DNHD1: variants seen among roughly 807,000 people sequenced by gnomAD.
DNHD1 encodes the protein dynein heavy chain domain 1.
In DNHD1, 383 loss-of-function variants were observed where a neutral mutation model predicts 458.1. The ratio of observed to expected loss-of-function variants is 0.84; its 90% CI spans 0.77 to 0.91. DNHD1 has a LOEUF of 0.91. Ranked by LOEUF, DNHD1 falls within the 40% of genes least tolerant of loss-of-function variation. The pLI is 0.00. For synonymous variants in DNHD1, 2,203 were observed against 2,376.9 expected (o/e 0.93, Z 2.13); for missense variants, 5,336 against 5,866.1 (o/e 0.91, Z 2.95).
chr11:6,569,271 C>T (rs766610106), intron 39 of DNHD1, among the ~76,000 whole-genome samples: 6 of 151,942 alleles, frequency 3.9e-5, no homozygotes, highest in Admixed American at 3.9e-4. Flanking sequence ...ATCACGAGGT[C>T]AGGAGATCGT....
rs1174685235 is a variant in DNHD1 at position 6,533,702 on chromosome 11, T to A, written c.2527T>A (p.Tyr843Asn). 1.3e-6 allele frequency: 2 copies of A among 1,550,396 alleles called. No homozygotes were observed. Among genetic ancestry groups the A allele is most frequent in the Non-Finnish European group, 1.7e-6 (2 of 1,146,270 alleles). ...GCAGTTGAATGAAGCCAATGAACAG[T>A]ACGTCGAGCTGGAGGAGCGAATGGA... is the stretch of plus-strand genomic sequence containing the variant. ...TQKLNEANEQ[Y>N]VELEERMEYV... is the part of the protein sequence containing the mutation. Residue 843 changes from tyrosine (Y) to asparagine (N), a missense_variant, in exon 14 of 43, where the codon TAC becomes AAC. Transcript: ENST00000254579.
At position 6,545,436 on chromosome 11, in the gene DNHD1, G is replaced by C; in HGVS notation, c.4497G>C (p.Trp1499Cys). Residue 1499 changes from tryptophan to cysteine, a missense_variant, in exon 21 of 43, where the codon TGG (tryptophan) becomes TGC (cysteine). Physicochemically the swap from Trp to Cys is radical, Grantham distance 215. Coordinates refer to ENST00000254579, the MANE Select transcript of DNHD1 (RefSeq NM_144666.3). This position sits in a 1 kb window ranked among gnomAD's most constrained non-coding sequence, Gnocchi z 4.9. The stretch of plus-strand genomic sequence containing the variant: ...ACCTGCAACTGTATGTCCAGCACTG[G>C]ATCGACTTAGTCCAGGCCTTCCCAT... ...KLYLQLYVQHWIDLVQAFPWQ... is the reference protein window; with the variant it reads ...KLYLQLYVQHCIDLVQAFPWQ... 1 of 1,551,868 alleles carries C rather than the reference G, an allele frequency of 6.4e-7. No individual in the cohort carries two copies. Among genetic ancestry groups the C allele is most frequent in the Non-Finnish European group, 8.7e-7 (1 of 1,147,042 alleles).
chr11:6,557,583 G>A lies in DNHD1; in HGVS notation c.8288G>A (p.Ser2763Asn). 6.4e-7 allele frequency: 1 copy of A among 1,551,804 alleles called. No homozygotes were observed. The highest frequency in any genetic ancestry group is 8.7e-7 in the Non-Finnish European group (1 of 1,147,012). Residue 2763 changes from serine (S) to asparagine (N), a missense_variant, in exon 25 of 43, where the codon AGC becomes AAC. This residue lies in a region of DNHD1 where 3,932 missense variants were observed against 4,365.6 expected (regional missense o/e 0.90). Transcript: ENST00000254579. ...IGPVSRGMKESISHKIRQEKG... is the reference protein window; with the variant it reads ...IGPVSRGMKENISHKIRQEKG... ...CCAGTAAGCAGGGGGATGAAGGAAA[G>A]CATAAGTCACAAGATAAGGCAAGAG...
intron 24 of DNHD1, 128 bp downstream of exon 24, chr11:6,549,061 C>A: frequency 1.9e-6 from 2 of 1,039,794 alleles, no homozygotes; most frequent in East Asian, 5.2e-5. Context: ...TTCTTAATAT[C>A]TTCTCATTCT....
chr11:6,502,958 C>T (rs1482149787), intron 4 of DNHD1, 32 bp downstream of exon 4: 1 of 1,604,440 alleles, frequency 6.2e-7, no homozygotes, highest in Non-Finnish European at 8.5e-7. Context: ...CCTTCTCCTC[C>T]CCCTGCCTGG....
chr11:6,569,866 T>C, intron 39 of DNHD1, 143 bp from the exon 40 acceptor site: 1 of 646,058 alleles, frequency 1.5e-6, no homozygotes, highest in East Asian at 2.8e-5. Context: ...AATGATGATT[T>C]CAGTTGAAAG....
intron 24 of DNHD1, among the ~76,000 whole-genome samples, chr11:6,551,756 C>A (rs1447543977): frequency 6.6e-6 from 1 of 152,150 alleles, no homozygotes; most frequent in African/African-American, 2.4e-5. Context: ...TCCTGGCCAA[C>A]ATGGTGAAAC....
At position 6,547,160 on chromosome 11, in the gene DNHD1, C is replaced by G. The variant is rs745622819; in HGVS notation, c.6221C>G (p.Thr2074Arg). ...AACAACATGGGCCAAAAGAGGCAGACAGAGGAATCAATCGGGATCCAGCAC... is the reference window on the plus strand; with the variant it reads ...AACAACATGGGCCAAAAGAGGCAGAGAGAGGAATCAATCGGGATCCAGCAC... ...QCNNMGQKRQ[T>R]EESIGIQHWI... is the part of the protein sequence containing the mutation. Residue 2074 changes from threonine (T) to arginine (R), a missense_variant, in exon 21 of 43, where the codon ACA (threonine) becomes AGA (arginine). Thr to Arg is a moderately conservative substitution (Grantham distance 71). Around this residue, in one of 4 missense-constraint regions of DNHD1, gnomAD observed 3,932 missense variants for 4,365.6 expected, o/e 0.90. Coordinates refer to ENST00000254579, the MANE Select transcript of DNHD1 (RefSeq NM_144666.3). The G allele has an allele frequency of 5.7e-5, 88 of 1,551,660 alleles. No individual in the cohort carries two copies. The highest frequency in any genetic ancestry group is 7.4e-5 in the Non-Finnish European group (85 of 1,147,008).
chr11:6,557,245 G>C lies in DNHD1; in HGVS notation c.7950G>C (p.Glu2650Asp), dbSNP rs1400329040. Residue 2650 changes from glutamate to aspartate, a missense_variant, in exon 25 of 43, where the codon GAG becomes GAC. Physicochemically the swap from Glu to Asp is conservative, Grantham distance 45. Coordinates refer to ENST00000254579, the MANE Select transcript of DNHD1 (RefSeq NM_144666.3). ...ATGTGGTGCGTCTTTGGTTGCATGA[G>C]GCACAGAGAACCTTTTGCGACCGGC... ...TRNVVRLWLH[E>D]AQRTFCDRLD... is the part of the protein sequence containing the mutation. 5.5e-5 allele frequency: 85 copies of C among 1,551,482 alleles called. No individual in the cohort carries two copies. Among genetic ancestry groups the C allele is most frequent in the Non-Finnish European group, 7.1e-5 (81 of 1,147,008 alleles).
intron 10 of DNHD1, among the ~76,000 whole-genome samples, chr11:6,525,675 T>C (rs1852696449): frequency 6.6e-6 from 1 of 152,230 alleles, no homozygotes; most frequent in Admixed American, 6.5e-5. Context: ...TTCTTCTATG[T>C]TGATAACAAT....
intron 10 of DNHD1, chr11:6,520,683 G>A (rs1852587951): frequency 9.6e-7 from 1 of 1,044,912 alleles, no homozygotes; most frequent in Admixed American, 4.8e-5. Flanking sequence ...CTTGCTTTAT[G>A]TCATATAGCT....
In DNHD1 at chr11:6,566,385, TG is replaced by T; in HGVS notation, c.11200del (p.Glu3734LysfsTer4). ...AGCACCACCCTCTCCCTCTGTGCCATGGAAAAAGGTGAGGCCCAGAGGGCAA... is the reference window on the plus strand; with the variant it reads ...AGCACCACCCTCTCCCTCTGTGCCATGAAAAAGGTGAGGCCCAGAGGGCAA... The part of the protein sequence containing the change: ...YLSTTLSLCA[M>X]EKVLGCELLK... On this transcript the variant is annotated frameshift_variant, in exon 34 of 43. Coordinates refer to ENST00000254579, the MANE Select transcript of DNHD1 (RefSeq NM_144666.3). LOFTEE classifies it high-confidence loss of function. The T allele has an allele frequency of 6.4e-7, 1 of 1,558,848 alleles. No individual in the cohort carries two copies. Among genetic ancestry groups the T allele is most frequent in the Non-Finnish European group, 8.7e-7 (1 of 1,151,264 alleles).
In DNHD1 at chr11:6,538,435, G is replaced by T. The variant is rs1441131850; in HGVS notation, c.3051G>T (p.Gln1017His). Residue 1017 changes from glutamine (Q) to histidine (H), a missense_variant, in exon 15 of 43, where the codon CAG (glutamine) becomes CAT (histidine). By Grantham distance (24) the Gln-to-His change is conservative. Transcript: ENST00000254579. Reference protein sequence around the residue: ...LPICGTRPIVQQQRIWHLYRV... With the variant: ...LPICGTRPIVHQQRIWHLYRV... ...TCTGTGGGACACGTCCTATTGTGCA[G>T]CAGCAGCGCATATGGCACCTGTACC... The T allele has an allele frequency of 1.9e-6, 3 of 1,551,672 alleles. No individual in the cohort carries two copies. Among genetic ancestry groups the T allele is most frequent in the Non-Finnish European group, 2.6e-6 (3 of 1,147,026 alleles).
chr11:6,545,641 A>G lies in DNHD1; in HGVS notation c.4702A>G (p.Thr1568Ala). Residue 1568 changes from threonine to alanine, a missense_variant, in exon 21 of 43, where the codon ACC becomes GCC. This residue lies in a region of DNHD1 where 3,932 missense variants were observed against 4,365.6 expected (regional missense o/e 0.90). Coordinates refer to ENST00000254579, the MANE Select transcript of DNHD1 (RefSeq NM_144666.3). The surrounding 1 kb of genome is among the most constrained non-coding windows in gnomAD (Gnocchi z 4.9). ...GCAGTCCCTGCCTTCTGTCCGCCAGACCAGCCTTCTCAGTGCCCTGCTGGT... is the reference window on the plus strand; with the variant it reads ...GCAGTCCCTGCCTTCTGTCCGCCAGGCCAGCCTTCTCAGTGCCCTGCTGGT... ...GGQSLPSVRQ[T>A]SLLSALLVMA... The G allele has an allele frequency of 6.4e-7, 1 of 1,551,766 alleles. No homozygotes were observed. Among genetic ancestry groups the G allele is most frequent in the Non-Finnish European group, 8.7e-7 (1 of 1,147,006 alleles).
Position 6,530,120 on chromosome 11 carries a change from A to G in DNHD1, c.2347+999A>G, listed in dbSNP as rs527488724. Among the ~76,000 whole-genome samples the G allele has an allele frequency of 2.0e-5, 3 of 152,290 alleles. No individual in the cohort carries two copies. In the South Asian group the frequency reaches 6.2e-4, roughly 32 times the overall value. The stretch of plus-strand genomic sequence containing the variant: ...TTTTACTACAACACATAACAGTATG[A>G]TTTCTACTCTGCTGTGACTGTTTCA... On this transcript the variant is annotated intron_variant, in intron 12 of 42. Transcript: ENST00000254579.
At position 6,571,881 on chromosome 11, in the gene DNHD1, G is replaced by A; in HGVS notation, c.14157G>A (p.Lys4719=). 17 of 1,614,040 alleles carry A rather than the reference G, an allele frequency of 1.1e-5. No homozygotes were observed. The highest frequency in any genetic ancestry group is 1.4e-5 in the Non-Finnish European group (16 of 1,179,902). The change falls in exon 43 of 43, where the codon AAG becomes AAA. Residue 4719 remains lysine, a synonymous_variant. Coordinates refer to ENST00000254579, the MANE Select transcript of DNHD1 (RefSeq NM_144666.3). The surrounding 1 kb of genome is among the most constrained non-coding windows in gnomAD (Gnocchi z 5.0). ...VYMGGPLGTA[K]LQSRNIVMHL... is the part of the protein sequence containing the mutation. ...TGGGAGGGCCCCTTGGCACCGCTAA[G>A]CTGCAGAGCAGGAACATCGTGATGC... is the stretch of plus-strand genomic sequence containing the variant.
At position 6,567,673 on chromosome 11, in the gene DNHD1, C is replaced by T. The variant is rs1470152264; in HGVS notation, c.12164C>T (p.Ala4055Val). 6.2e-7 allele frequency: 1 copy of T among 1,613,902 alleles called. No homozygotes were observed. The highest frequency in any genetic ancestry group is 8.5e-7 in the Non-Finnish European group (1 of 1,179,896). ...RVLRPECLAG[A>V]LADFTTSLLG... Reference sequence around the variant, plus strand: ...CTGCGACCTGAGTGCCTGGCAGGTGCCCTGGCAGACTTCACCACTAGCCTC... The same window carrying T: ...CTGCGACCTGAGTGCCTGGCAGGTGTCCTGGCAGACTTCACCACTAGCCTC... The change falls in exon 36 of 43, where the codon GCC becomes GTC. Residue 4055 changes from alanine (A) to valine (V), a missense_variant. This residue lies in a region of DNHD1 where 695 missense variants were observed against 804.2 expected (regional missense o/e 0.86). Transcript: ENST00000254579.
chr11:6,571,609 T>A lies in DNHD1; in HGVS notation c.13912-27T>A, dbSNP rs1294427895. ...CTGCCACCTCCCAGCTTCCTAGCCTTGCCTGACCAGCTTCTGACGCCCCCA... is the reference window on the plus strand; with the variant it reads ...CTGCCACCTCCCAGCTTCCTAGCCTAGCCTGACCAGCTTCTGACGCCCCCA... On this transcript the variant is annotated intron_variant, in intron 42 of 42. Coordinates refer to ENST00000254579, the MANE Select transcript of DNHD1 (RefSeq NM_144666.3). The surrounding 1 kb of genome is among the most constrained non-coding windows in gnomAD (Gnocchi z 5.0). 1 of 1,525,714 alleles carries A rather than the reference T, an allele frequency of 6.6e-7. No homozygotes were observed. The highest frequency in any genetic ancestry group is 1.3e-5 in the South Asian group (1 of 77,632). The allele number at this position is 1,525,714 out of a possible 1,614,324, so 94.5% of individuals were successfully genotyped here.
At chr11:6,538,917 A>C in intron 16 of DNHD1, 107 bp downstream of exon 16, 1 of 1,175,998 alleles carries the variant, frequency 8.5e-7, no homozygotes, top group Non-Finnish European at 1.2e-6. Context: ...TTTCATCCCC[A>C]AGTTTCTCCC....
Sources: gnomAD v4.1 joint callset for allele counts (sites outside exome capture counted in the v4.1 genomes callset) on GRCh38, gnomAD v4.1.1 for gene constraint, gnomAD v4.1.1 regional missense constraint, Gnocchi (gnomAD v3.1) non-coding constraint, MANE v1.5 for transcripts, NCBI Gene and HGNC (gene_info 2026-07-23, HGNC 2026-07-21) for gene names.